Variants in LARP1B observed in about 807,000 individuals in gnomAD.
LARP1B encodes La ribonucleoprotein 1B.
LARP1B carries 76 observed loss-of-function variants against 114.2 expected under a neutral mutation model. That is an observed-to-expected ratio of 0.67 (90% CI 0.55 to 0.81). LARP1B has a LOEUF of 0.81. Ranked by LOEUF, LARP1B falls within the 30% of genes least tolerant of loss-of-function variation. The pLI, the probability that LARP1B is intolerant of heterozygous loss-of-function variation, is 0.00. For synonymous variants in LARP1B, 345 were observed against 348.0 expected (o/e 0.99, Z 0.10); for missense variants, 1,014 against 1,075.8 (o/e 0.94, Z 0.80).
chr4:128,109,750 A>G (rs1394215502), intron 9 of LARP1B, among the ~76,000 whole-genome samples: 2 of 151,572 alleles, frequency 1.3e-5, no homozygotes, highest in East Asian at 1.9e-4. Flanking sequence ...CCACTCAATG[A>G]AAATTTTAAA....
At chr4:128,081,882 G>A (rs1444150754) in intron 4 of LARP1B, among the ~76,000 whole-genome samples, 1 of 152,158 alleles carries the variant, frequency 6.6e-6, no homozygotes, top group Non-Finnish European at 1.5e-5. Context: ...TTACTGGCGT[G>A]TGCCACCACA....
Position 128,199,537 on chromosome 4 carries a change from T to G in LARP1B, c.2102T>G (p.Leu701Arg). The G allele has an allele frequency of 6.2e-7, 1 of 1,601,132 alleles. No individual in the cohort carries two copies. Among genetic ancestry groups the G allele is most frequent in the South Asian group, 1.1e-5 (1 of 87,912 alleles). The change falls in exon 16 of 20, where the codon CTT becomes CGT. Residue 701 changes from leucine to arginine, a missense_variant. By Grantham distance (102) the Leu-to-Arg change is moderately radical. Transcript: ENST00000326639. ...FPKFQHPSHELLKENGFTQQV... is the reference protein window; with the variant it reads ...FPKFQHPSHERLKENGFTQQV... Reference sequence around the variant, plus strand: ...AAGTTCCAGCATCCTTCTCATGAACTTTTGAAGGAAAATGGCTTTACCCAA... The same window carrying G: ...AAGTTCCAGCATCCTTCTCATGAACGTTTGAAGGAAAATGGCTTTACCCAA...
chr4:128,098,698 A>G (rs572351373), intron 8 of LARP1B, among the ~76,000 whole-genome samples: 2 of 132,688 alleles, frequency 1.5e-5, no homozygotes, highest in African/African-American at 5.6e-5. Flanking sequence ...ATCAAACACA[A>G]ATTTCTTCAG....
In LARP1B at chr4:128,155,469, A is replaced by C. The variant is rs964579349; in HGVS notation, c.1525-6725A>C. ...CGACCCCGCGCAGCCCCCCGGCCGC[A>C]GTGCAGGCAGCCCAGCAGAAGTTCC... On this transcript the variant is annotated intron_variant, in intron 11 of 19. Transcript: ENST00000326639. 6 of 765,320 alleles carry C rather than the reference A, an allele frequency of 7.8e-6. No homozygotes were observed. The East Asian group carries it at 1.5e-4, about 19-fold the overall frequency. 47.4% of individuals were successfully genotyped at this position (765,320 alleles called of 1,614,324 possible).
intron 5 of LARP1B, among the ~76,000 whole-genome samples, chr4:128,086,279 A>T (rs953564862): frequency 2.0e-5 from 3 of 152,122 alleles, no homozygotes; most frequent in African/African-American, 7.2e-5. Context: ...TGCTAGGATT[A>T]CAGGCGTGAG....
chr4:128,161,663 C>T (rs62334632), intron 11 of LARP1B, among the ~76,000 whole-genome samples: 3,101 of 152,190 alleles, frequency 0.02, 50 homozygotes, highest in Middle Eastern at 0.055. Flanking sequence ...CTTATCTTTG[C>T]TCTCATTACC....
chr4:128,098,769 T>TATATATATATGTA (rs1561201033), intron 8 of LARP1B, among the ~76,000 whole-genome samples: 4 of 14,434 alleles, frequency 2.8e-4, no homozygotes, highest in African/African-American at 1.1e-3. Context: ...ATATATATAT[T>TATATATATATGTA]TTTTTTTTTT....
chr4:128,209,853 C>T lies in LARP1B; in HGVS notation c.2548-3C>T. On this transcript the variant is annotated splice_polypyrimidine_tract_variant and splice_region_variant and intron_variant, in intron 19 of 19. Transcript: ENST00000326639. ...CAACGGTGTTGCCTTTCATCATTTG[C>T]AGCCCCCTATTAGTGATGAATTTGG... is the stretch of plus-strand genomic sequence containing the variant. The T allele has an allele frequency of 6.2e-7, 1 of 1,610,896 alleles. No individual in the cohort carries two copies. The highest frequency in any genetic ancestry group is 8.5e-7 in the Non-Finnish European group (1 of 1,177,584).
At chr4:128,089,629 C>T (rs565100755) in intron 5 of LARP1B, among the ~76,000 whole-genome samples, 1 of 152,200 alleles carries the variant, frequency 6.6e-6, no homozygotes, top group African/African-American at 2.4e-5. Context: ...AGCCACCGCA[C>T]CCGGCTAATG....
intron 13 of LARP1B, among the ~76,000 whole-genome samples, 186 bp from the exon 14 acceptor site, chr4:128,178,245 A>G (rs1016113498): frequency 6.6e-6 from 1 of 151,870 alleles, no homozygotes; most frequent in Non-Finnish European, 1.5e-5. Context: ...AAACAGATAT[A>G]GAAAAATAAA....
intron 6 of LARP1B, among the ~76,000 whole-genome samples, chr4:128,218,789 C>A (rs1162746536): frequency 6.0e-5 from 4 of 66,348 alleles, no homozygotes; most frequent in African/African-American, 1.8e-4. Flanking sequence ...CCAAAATTGA[C>A]AAATGGGATC....
intron 16 of LARP1B, among the ~76,000 whole-genome samples, chr4:128,199,903 T>C (rs890623613): frequency 1.3e-5 from 2 of 152,066 alleles, no homozygotes; most frequent in African/African-American, 2.4e-5. Context: ...CTGGCCAACA[T>C]AGTGAAACTC....
At chr4:128,139,650 ACTGT>A (rs1727073213) in intron 11 of LARP1B, among the ~76,000 whole-genome samples, 1 of 151,058 alleles carries the variant, frequency 6.6e-6, no homozygotes. Context: ...ACAGAGTGAG[ACTGT>A]CACACACACA....
At chr4:128,117,849 A>T (rs1431053197) in intron 10 of LARP1B, among the ~76,000 whole-genome samples, 1 of 151,258 alleles carries the variant, frequency 6.6e-6, no homozygotes, top group African/African-American at 2.4e-5. Context: ...TCATTTCTTC[A>T]TCCCCAGCTC....
intron 8 of LARP1B, among the ~76,000 whole-genome samples, chr4:128,099,418 C>G (rs1355855271): frequency 6.6e-6 from 1 of 151,888 alleles, no homozygotes; most frequent in Non-Finnish European, 1.5e-5. Context: ...TCCCAAGTAG[C>G]TGGGATAACT....
intron 3 of LARP1B, among the ~76,000 whole-genome samples, chr4:128,077,011 G>A (rs1027745610): frequency 6.4e-4 from 98 of 152,214 alleles, no homozygotes; most frequent in African/African-American, 2.3e-3. Context: ...ACAGGTGTGA[G>A]CCACCGAACC....
intron 11 of LARP1B, among the ~76,000 whole-genome samples, chr4:128,150,694 A>G (rs1581036741): frequency 6.6e-6 from 1 of 151,992 alleles, no homozygotes; most frequent in Non-Finnish European, 1.5e-5. Context: ...GCGCCACTGC[A>G]CTCCAGCCTG....
At chr4:128,104,560 T>G (rs1184499302) in intron 8 of LARP1B, among the ~76,000 whole-genome samples, 2 of 152,124 alleles carry the variant, frequency 1.3e-5, no homozygotes. Flanking sequence ...TTCTCCTGCC[T>G]CAGCCTCCCG....
intron 8 of LARP1B, among the ~76,000 whole-genome samples, chr4:128,104,599 C>T (rs13133648): frequency 0.2 from 31,109 of 151,958 alleles, 3,897 homozygotes; most frequent in Middle Eastern, 0.27. Context: ...CACCCACCAC[C>T]AAGCCTGGCT....
Sources: gnomAD v4.1 joint callset for allele counts (sites outside exome capture counted in the v4.1 genomes callset) on GRCh38, gnomAD v4.1.1 for gene constraint, MANE v1.5 for transcripts, NCBI Gene and HGNC (gene_info 2026-07-23, HGNC 2026-07-21) for gene names.